MCTP1: variants seen among roughly 807,000 people sequenced by gnomAD.
MCTP1 encodes the protein multiple C2 and transmembrane domain containing 1, also known as multiple C2 and transmembrane domain-containing protein 1.
Under a neutral mutation model 120.6 loss-of-function variants are expected in MCTP1, and 69 were observed. That is an observed-to-expected ratio of 0.57 (90% CI 0.47 to 0.70). MCTP1 has a LOEUF of 0.70. Ranked by LOEUF, MCTP1 falls within the 30% of genes least tolerant of loss-of-function variation. The pLI, the probability that MCTP1 is intolerant of heterozygous loss-of-function variation, is 0.00. For synonymous variants in MCTP1, 529 were observed against 493.1 expected (o/e 1.07, Z -0.96); for missense variants, 1,203 against 1,248.8 (o/e 0.96, Z 0.55).
chr5:95,219,868 CA>C (rs1241730388), intron 1 of MCTP1, among the ~76,000 whole-genome samples: 1 of 152,128 alleles, frequency 6.6e-6, no homozygotes, highest in Admixed American at 6.5e-5. Flanking sequence ...GTAATGAATT[CA>C]TGGTAAGAAG....
At chr5:95,193,216 C>T (rs1285281928) in intron 1 of MCTP1, among the ~76,000 whole-genome samples, 1 of 151,894 alleles carries the variant, frequency 6.6e-6, no homozygotes, top group African/African-American at 2.4e-5. Flanking sequence ...AGAAGCAAAC[C>T]TCTCATATAC....
intron 10 of MCTP1, among the ~76,000 whole-genome samples, chr5:94,902,445 C>T (rs1344383202): frequency 6.6e-6 from 1 of 152,090 alleles, no homozygotes; most frequent in African/African-American, 2.4e-5. Context: ...TTGAAGCCAT[C>T]ATGATTGGCA....
intron 7 of MCTP1, 120 bp from the exon 8 acceptor site, chr5:94,918,093 G>C: frequency 1.4e-6 from 1 of 709,810 alleles, no homozygotes; most frequent in South Asian, 1.8e-5. Flanking sequence ...ATTTGTATTT[G>C]CTTCTCAAGT....
intron 1 of MCTP1, among the ~76,000 whole-genome samples, chr5:95,240,307 C>G (rs1234330248): frequency 1.3e-5 from 2 of 152,088 alleles, no homozygotes; most frequent in African/African-American, 4.8e-5. Flanking sequence ...CAGATACTGA[C>G]CTTAAGTTTG....
intron 2 of MCTP1, among the ~76,000 whole-genome samples, chr5:94,983,681 ATC>A (rs1829932766): frequency 6.6e-6 from 1 of 152,096 alleles, no homozygotes; most frequent in South Asian, 2.1e-4. Flanking sequence ...CTATCTATCT[ATC>A]TATCTATCTA....
At chr5:94,777,230 T>C (rs902183287) in intron 19 of MCTP1, among the ~76,000 whole-genome samples, 1 of 152,142 alleles carries the variant, frequency 6.6e-6, no homozygotes, top group African/African-American at 2.4e-5. Flanking sequence ...TAACTAGATC[T>C]GAAAATGTGT....
At position 94,776,450 on chromosome 5, in the gene MCTP1, C is replaced by A. The variant is rs964150564; in HGVS notation, c.2610+2660G>T. 1.1e-3 allele frequency among the ~76,000 whole-genome samples: 162 copies of A among 152,228 alleles called. 1 individual carries two copies. The highest frequency in any genetic ancestry group is 3.8e-3 in the African/African-American group (158 of 41,546). On this transcript the variant is annotated intron_variant, in intron 19 of 22. Coordinates refer to ENST00000515393, the MANE Select transcript of MCTP1 (RefSeq NM_024717.7). ...TGCCACGTAATACCCCATTTACCCCCAAGTCCAAAGGTTATAGGACTAATA... is the reference window on the plus strand; with the variant it reads ...TGCCACGTAATACCCCATTTACCCCAAAGTCCAAAGGTTATAGGACTAATA...
chr5:94,859,377 T>G (rs1289833785), intron 17 of MCTP1, among the ~76,000 whole-genome samples: 2 of 151,702 alleles, frequency 1.3e-5, no homozygotes, highest in African/African-American at 4.8e-5. Flanking sequence ...ATGTTTTGTG[T>G]TCAATACCCG....
chr5:95,220,525 A>G (rs573439545), intron 1 of MCTP1, among the ~76,000 whole-genome samples: 1 of 152,284 alleles, frequency 6.6e-6, no homozygotes, highest in Non-Finnish European at 1.5e-5. Flanking sequence ...CCAATTCACA[A>G]TAATTAAGAC....
At chr5:95,020,518 T>A (rs1837999806) in intron 1 of MCTP1, among the ~76,000 whole-genome samples, 1 of 152,054 alleles carries the variant, frequency 6.6e-6, no homozygotes, top group Admixed American at 6.6e-5. Flanking sequence ...CTACCAAATC[T>A]ATTGCAAATA....
chr5:94,727,927 A>G (rs1225972591), intron 19 of MCTP1, among the ~76,000 whole-genome samples: 4 of 152,240 alleles, frequency 2.6e-5, no homozygotes, highest in Non-Finnish European at 5.9e-5. Flanking sequence ...AGATGTCAGT[A>G]TAAATAAAGG....
chr5:94,795,212 G>A (rs1779748596), intron 18 of MCTP1, among the ~76,000 whole-genome samples: 1 of 142,032 alleles, frequency 7.0e-6, no homozygotes, highest in Non-Finnish European at 1.5e-5. Flanking sequence ...TTGTCTACAT[G>A]AGCATATTCC....
At chr5:95,116,671 T>C (rs1757847992) in intron 1 of MCTP1, among the ~76,000 whole-genome samples, 1 of 152,210 alleles carries the variant, frequency 6.6e-6, no homozygotes, top group African/African-American at 2.4e-5. Context: ...TCCATGAGCA[T>C]GGAATGTTTT....
intron 1 of MCTP1, among the ~76,000 whole-genome samples, chr5:95,143,926 G>A (rs1760151580): frequency 1.3e-5 from 2 of 152,260 alleles, no homozygotes; most frequent in South Asian, 2.1e-4. Context: ...ATTTAGTAAT[G>A]GGATTGCTGG....
intron 17 of MCTP1, among the ~76,000 whole-genome samples, chr5:94,800,001 T>C (rs1033307566): frequency 3.3e-5 from 5 of 152,104 alleles, no homozygotes; most frequent in African/African-American, 4.8e-5. Context: ...TAATGTTAAG[T>C]CAGGAGGCAT....
At chr5:95,225,885 G>A (rs568114650) in intron 1 of MCTP1, among the ~76,000 whole-genome samples, 66 of 152,166 alleles carry the variant, frequency 4.3e-4, no homozygotes, top group African/African-American at 1.5e-3. Context: ...ATTAAAATGA[G>A]GGGAGAGAGA....
chr5:94,769,488 T>C (rs1056275307), intron 19 of MCTP1, among the ~76,000 whole-genome samples: 7 of 151,732 alleles, frequency 4.6e-5, no homozygotes, highest in Admixed American at 1.3e-4. Context: ...TTCTTATATA[T>C]CAATAAAAAA....
At chr5:94,970,838 G>T (rs908965521) in intron 2 of MCTP1, among the ~76,000 whole-genome samples, 4 of 148,380 alleles carry the variant, frequency 2.7e-5, no homozygotes, top group African/African-American at 9.9e-5. Context: ...AAAGTATTAC[G>T]CCTCTTCAAT....
intron 1 of MCTP1, among the ~76,000 whole-genome samples, chr5:95,055,148 A>C (rs1747045803): frequency 1.3e-5 from 2 of 152,164 alleles, no homozygotes; most frequent in African/African-American, 4.8e-5. Flanking sequence ...TAAAGTAATC[A>C]TGGTTGCTCA....
Sources: gnomAD v4.1 joint callset for allele counts (sites outside exome capture counted in the v4.1 genomes callset) on GRCh38, gnomAD v4.1.1 for gene constraint, MANE v1.5 for transcripts, NCBI Gene and HGNC (gene_info 2026-07-23, HGNC 2026-07-21) for gene names.